BRD3: variants seen among roughly 807,000 people sequenced by gnomAD.
BRD3 encodes the protein bromodomain containing 3, also known as bromodomain-containing protein 3.
A neutral mutation model predicts 66.8 loss-of-function variants in BRD3; 17 were observed. That is an observed-to-expected ratio of 0.25 (90% CI 0.17 to 0.38). BRD3 has a LOEUF of 0.38. Among genes scored for constraint, BRD3 ranks in the 10% least tolerant of loss-of-function variants. BRD3 has a pLI of 1.00. For synonymous variants in BRD3, 421 were observed against 393.2 expected, an observed-to-expected ratio of 1.07 and a Z score of -0.84; for missense variants, 713 against 956.1, an observed-to-expected ratio of 0.75 and a Z score of 3.35.
At chr9:134,050,334 G>A (rs762128678) in intron 5 of BRD3, 40 bp downstream of exon 5, 36 of 1,578,044 alleles carry the variant, frequency 2.3e-5, no homozygotes, top group Admixed American at 6.7e-5. Context: ...AACCCTGGCC[G>A]GGCTCAGGTG....
intron 9 of BRD3, chr9:134,036,720 G>A (rs1051759375): frequency 7.1e-5 from 64 of 898,028 alleles, no homozygotes; most frequent in Middle Eastern, 2.4e-4. Context: ...AAATATAAAC[G>A]GTCTAGGGCC....
chr9:134,052,529 C>T, intron 2 of BRD3, 86 bp from the exon 3 acceptor site: 1 of 1,456,264 alleles, frequency 6.9e-7, no homozygotes, highest in Non-Finnish European at 9.3e-7. Flanking sequence ...CCGACCTTCC[C>T]AAGTGGACTG....
chr9:134,036,105 C>T lies in BRD3; in HGVS notation c.1863G>A (p.Leu621=). The stretch of plus-strand genomic sequence containing the variant: ...CCAGTTCCCGCAAAGTGGTGGGTTT[C>T]AGAGTCTCAAAGTCAATTTCTATCT... ...PDEIEIDFET[L]KPTTLRELER... is the part of the protein sequence containing the mutation. The change falls in exon 10 of 12, where the codon CTG becomes CTA. Residue 621 remains leucine, a synonymous_variant. Coordinates refer to ENST00000303407, the MANE Select transcript of BRD3 (RefSeq NM_007371.4). 1.9e-6 allele frequency: 3 copies of T among 1,614,228 alleles called. No individual in the cohort carries two copies. Among genetic ancestry groups the T allele is most frequent in the Non-Finnish European group, 2.5e-6 (3 of 1,180,034 alleles).
rs895168133 is a variant in BRD3 at position 134,032,656 on chromosome 9, CTTA to C, written c.*931_*933del. On this transcript the variant is annotated 3_prime_UTR_variant, in exon 12 of 12. Transcript: ENST00000303407. The stretch of plus-strand genomic sequence containing the variant: ...GAATGCATTTCTTCTGCGGTTTTTT[CTTA>C]TTTTCTTTTTTTTAAAAATGACCAA... The C allele has an allele frequency of 1.3e-5, 3 of 226,220 alleles. No homozygotes were observed. The highest frequency in any genetic ancestry group is 1.1e-4 in the Admixed American group (2 of 17,530). 14.0% of individuals were successfully genotyped at this position (226,220 alleles called of 1,614,324 possible).
At chr9:134,064,356 C>T (rs754784355) in intron 1 of BRD3, among the ~76,000 whole-genome samples, 4 of 150,766 alleles carry the variant, frequency 2.7e-5, no homozygotes, top group African/African-American at 7.3e-5. Context: ...GGCGAAACCC[C>T]ATCTTTACTA....
In BRD3 at chr9:134,041,893, A is replaced by T; in HGVS notation, c.1274T>A (p.Leu425Gln). 1 of 1,610,784 alleles carries T rather than the reference A, an allele frequency of 6.2e-7. No individual in the cohort carries two copies. The highest frequency in any genetic ancestry group is 8.5e-7 in the Non-Finnish European group (1 of 1,178,384). The change falls in exon 8 of 12, where the codon CTG becomes CAG. Residue 425 changes from leucine (L) to glutamine (Q), a missense_variant. Leu to Gln is a moderately radical substitution (Grantham distance 113, BLOSUM62 -2). Coordinates refer to ENST00000303407, the MANE Select transcript of BRD3 (RefSeq NM_007371.4). ...CACCATGGGGGCCGCGGGGGCAGGC[A>T]GCGCCGGTGCCTCCACGGGCTCATC... ...MPDEPVEAPA[L>Q]PAPAAPMVSK... is the part of the protein sequence containing the mutation.
chr9:134,048,793 A>C (rs1193414286), intron 5 of BRD3, among the ~76,000 whole-genome samples: 1 of 152,122 alleles, frequency 6.6e-6, no homozygotes, highest in Non-Finnish European at 1.5e-5. Flanking sequence ...TGCTGCATGC[A>C]ATTCGCCAGA....
chr9:134,044,108 G>A (rs1035337610), intron 7 of BRD3, among the ~76,000 whole-genome samples: 2 of 152,224 alleles, frequency 1.3e-5, no homozygotes, highest in Non-Finnish European at 2.9e-5. Context: ...ACTGGCCTTT[G>A]CAAGGTCTTT....
chr9:134,059,464 A>C (rs1181073287), intron 1 of BRD3, among the ~76,000 whole-genome samples: 1 of 152,224 alleles, frequency 6.6e-6, no homozygotes, highest in African/African-American at 2.4e-5. Context: ...GCGGTGCCAG[A>C]GACCCCAGTG....
intron 6 of BRD3, among the ~76,000 whole-genome samples, chr9:134,046,075 C>A (rs1357042383): frequency 6.6e-6 from 1 of 152,166 alleles, no homozygotes; most frequent in Non-Finnish European, 1.5e-5. Flanking sequence ...GACCCTACAG[C>A]AAAACCCACC....
At chr9:134,066,232 G>A (rs1030768792) in intron 1 of BRD3, among the ~76,000 whole-genome samples, 20 of 152,168 alleles carry the variant, frequency 1.3e-4, no homozygotes, top group Non-Finnish European at 1.6e-4. Flanking sequence ...TACCCGGAAG[G>A]TCAGAAAGAA....
Position 134,050,591 on chromosome 9 carries a change from T to C in BRD3, c.500-3A>G. Reference sequence around the variant, plus strand: ...CACGGCCGCCACTTGCTGTGTACCTTCAAGACAAGGAAGGGATGTTCAACA... The same window carrying C: ...CACGGCCGCCACTTGCTGTGTACCTCCAAGACAAGGAAGGGATGTTCAACA... On this transcript the variant is annotated splice_region_variant and splice_polypyrimidine_tract_variant and intron_variant, in intron 4 of 11. Coordinates refer to ENST00000303407, the MANE Select transcript of BRD3 (RefSeq NM_007371.4). 1 of 1,604,594 alleles carries C rather than the reference T, an allele frequency of 6.2e-7. No individual in the cohort carries two copies. Among genetic ancestry groups the C allele is most frequent in the Non-Finnish European group, 8.5e-7 (1 of 1,177,882 alleles).
intron 1 of BRD3, chr9:134,058,066 C>G (rs1830461943): frequency 6.6e-6 from 1 of 152,324 alleles, no homozygotes; most frequent in African/African-American, 2.4e-5. Flanking sequence ...GGCTCTCCAC[C>G]CCCAGCTGAC....
At chr9:134,051,866 TG>T (rs1830306199) in intron 3 of BRD3, among the ~76,000 whole-genome samples, 157 bp from the exon 4 acceptor site, 2 of 113,270 alleles carry the variant, frequency 1.8e-5, no homozygotes, top group African/African-American at 8.3e-5. Flanking sequence ...TGTGTGTGTG[TG>T]TGTGTGTGTG....
chr9:134,037,883 A>C (rs1205211614), intron 9 of BRD3, among the ~76,000 whole-genome samples: 1 of 152,224 alleles, frequency 6.6e-6, no homozygotes, highest in Non-Finnish European at 1.5e-5. Flanking sequence ...AGAAATACTA[A>C]CCAATAGACT....
At chr9:134,067,308 T>C (rs1447991025) in intron 1 of BRD3, among the ~76,000 whole-genome samples, 1 of 150,596 alleles carries the variant, frequency 6.6e-6, no homozygotes, top group African/African-American at 2.4e-5. Flanking sequence ...GGCCCGTAAC[T>C]CTGGGAGGAG....
intron 1 of BRD3, among the ~76,000 whole-genome samples, chr9:134,064,298 T>C (rs971557901): frequency 6.6e-6 from 1 of 151,720 alleles, no homozygotes; most frequent in Admixed American, 6.6e-5. Flanking sequence ...GAGGCTGAGA[T>C]GGGTGGATCA....
In BRD3 at chr9:134,045,520, G is replaced by A; in HGVS notation, c.1087-99C>T. 4 of 1,549,738 alleles carry A rather than the reference G, an allele frequency of 2.6e-6. No individual in the cohort carries two copies. The highest frequency in any genetic ancestry group is 2.3e-5 in the East Asian group (1 of 44,228). ...GAACTCTGGAGCCTCAGGAGCCACT[G>A]CCAGCTCCAGGGCAGTGCCTACTGG... On this transcript the variant is annotated intron_variant, in intron 6 of 11. Coordinates refer to ENST00000303407, the MANE Select transcript of BRD3 (RefSeq NM_007371.4). This position sits in a 1 kb window ranked among gnomAD's most constrained non-coding sequence, Gnocchi z 4.8.
intron 1 of BRD3, chr9:134,057,608 C>T (rs987837842): frequency 6.6e-6 from 1 of 152,304 alleles, no homozygotes; most frequent in African/African-American, 2.4e-5. Context: ...AGGCCCCTTC[C>T]TCCTTCACCT....
Sources: allele counts gnomAD v4.1 joint callset (sites outside exome capture counted in the v4.1 genomes callset), GRCh38; gene constraint gnomAD v4.1.1; non-coding constraint Gnocchi (gnomAD v3.1); transcripts MANE v1.5; gene names NCBI Gene and HGNC (gene_info 2026-07-23, HGNC 2026-07-21).